PIK3C2G: variants seen among roughly 807,000 people sequenced by gnomAD.
The protein encoded by PIK3C2G is phosphatidylinositol 3-kinase C2 domain-containing subunit gamma.
PIK3C2G carries 168 observed loss-of-function variants against 181.1 expected under a neutral mutation model. The ratio of observed to expected loss-of-function variants is 0.93; its 90% CI spans 0.82 to 1.05. The LOEUF (loss-of-function observed/expected upper bound fraction) is 1.05. Among genes scored for constraint, PIK3C2G ranks in the 50% least tolerant of loss-of-function variants. PIK3C2G has a pLI of 0.00. For missense variants in PIK3C2G, 1,869 were observed against 1,732.8 expected (o/e 1.08, Z -1.40); for synonymous variants, 573 against 592.2 (o/e 0.97, Z 0.47).
At chr12:18,323,483 G>C (rs528431100) in intron 7 of PIK3C2G, among the ~76,000 whole-genome samples, 238 of 152,212 alleles carry the variant, frequency 1.6e-3, no homozygotes, top group Non-Finnish European at 3.1e-3. Context: ...CTTCCATTAT[G>C]TTCTGACCCT....
chr12:18,658,749 A>G, the PIK3C2G span, among the ~76,000 whole-genome samples: 1 of 152,142 alleles, frequency 6.6e-6, no homozygotes, highest in African/African-American at 2.4e-5. Flanking sequence ...GGTTTTACAT[A>G]TTCTATTTCA....
chr12:18,628,515 G>C (rs1433355254), intron 31 of PIK3C2G, among the ~76,000 whole-genome samples: 1 of 152,192 alleles, frequency 6.6e-6, no homozygotes, highest in Non-Finnish European at 1.5e-5. Flanking sequence ...AACAAAGGCA[G>C]AAGATTGGTA....
At chr12:18,350,507 C>T (rs1191390645) in intron 11 of PIK3C2G, among the ~76,000 whole-genome samples, 1 of 152,106 alleles carries the variant, frequency 6.6e-6, no homozygotes, top group African/African-American at 2.4e-5. Flanking sequence ...CTCATCAAGA[C>T]GATGCCCTTT....
intron 22 of PIK3C2G, among the ~76,000 whole-genome samples, chr12:18,501,050 G>A (rs960024398): frequency 1.3e-5 from 2 of 151,604 alleles, no homozygotes; most frequent in South Asian, 2.1e-4. Context: ...AAGAAACTCC[G>A]AACACATCCG....
At chr12:18,398,682 A>G (rs1315430241) in intron 15 of PIK3C2G, among the ~76,000 whole-genome samples, 31 of 152,154 alleles carry the variant, frequency 2.0e-4, no homozygotes. Flanking sequence ...CTAGTCCTAG[A>G]TTTAGATCTT....
chr12:18,329,363 A>ACACCTGTTT (rs1937671700), intron 8 of PIK3C2G, among the ~76,000 whole-genome samples: 1 of 151,946 alleles, frequency 6.6e-6, no homozygotes, highest in Non-Finnish European at 1.5e-5. Context: ...TTGGTATCAC[A>ACACCTGTTT]CACCTGTTTG....
chr12:18,294,455 AT>A (rs758549425), intron 5 of PIK3C2G, among the ~76,000 whole-genome samples: 6 of 151,604 alleles, frequency 4.0e-5, no homozygotes, highest in East Asian at 3.9e-4. Context: ...TTAAATACTG[AT>A]TTTTTTTTAA....
chr12:18,354,762 G>T (rs796806174), intron 11 of PIK3C2G, among the ~76,000 whole-genome samples: 1 of 152,214 alleles, frequency 6.6e-6, no homozygotes, highest in Admixed American at 6.5e-5. Flanking sequence ...GTATAAACTG[G>T]TGATGGTGGA....
Position 18,381,238 on chromosome 12 carries a change from C to T in PIK3C2G, c.1881-528C>T, listed in dbSNP as rs550086081. On this transcript the variant is annotated intron_variant, in intron 13 of 32. Transcript: ENST00000538779. ...ATCTTTCTATTTATGCATAAGGAAGCGTTTCCTCCGTGAAGCCCCACAACT... is the reference window on the plus strand; with the variant it reads ...ATCTTTCTATTTATGCATAAGGAAGTGTTTCCTCCGTGAAGCCCCACAACT... 2.2e-4 allele frequency among the ~76,000 whole-genome samples: 34 copies of T among 152,228 alleles called. No homozygotes were observed. The South Asian group carries it at 4.4e-3, about 19-fold the overall frequency.
chr12:18,359,370 G>C (rs1411024891), intron 11 of PIK3C2G, among the ~76,000 whole-genome samples: 1 of 152,168 alleles, frequency 6.6e-6, no homozygotes, highest in Non-Finnish European at 1.5e-5. Context: ...CTAGCCTGGA[G>C]GGTGTTTCCT....
rs1436446899 is a variant in PIK3C2G at position 18,294,030 on chromosome 12, A to G, written c.1034+15A>G. 8.1e-7 allele frequency: 1 copy of G among 1,232,746 alleles called. No individual in the cohort carries two copies. Among genetic ancestry groups the G allele is most frequent in the South Asian group, 1.3e-5 (1 of 79,688 alleles). 76.4% of individuals were successfully genotyped at this position (1,232,746 alleles called of 1,614,324 possible). ...TTTTTACAAAAGTAAGTATTTTATG[A>G]AATTTTGGTTGTATTATAATCTGTA... On this transcript the variant is annotated intron_variant, in intron 5 of 32. Transcript: ENST00000538779.
the PIK3C2G span, chr12:18,705,025 A>G: frequency 2.1e-6 from 2 of 974,218 alleles, no homozygotes; most frequent in Non-Finnish European, 1.6e-6. Flanking sequence ...TCCCTAGGCA[A>G]CATTGCAAAA....
At chr12:18,330,748 A>G (rs1200835668) in intron 8 of PIK3C2G, among the ~76,000 whole-genome samples, 1 of 152,272 alleles carries the variant, frequency 6.6e-6, no homozygotes, top group East Asian at 1.9e-4. Context: ...ACTAACTGCA[A>G]TTGTAATCAT....
At chr12:18,586,792 T>G (rs574315865) in intron 29 of PIK3C2G, among the ~76,000 whole-genome samples, 1 of 151,586 alleles carries the variant, frequency 6.6e-6, no homozygotes, top group Admixed American at 6.6e-5. Context: ...AAAATAACAT[T>G]GATTCAAAGA....
At chr12:18,490,534 C>T (rs377248181) in intron 19 of PIK3C2G, among the ~76,000 whole-genome samples, 2 of 152,126 alleles carry the variant, frequency 1.3e-5, no homozygotes, top group African/African-American at 4.8e-5. Flanking sequence ...GCACTGACGA[C>T]CCTTCTCAGC....
intron 18 of PIK3C2G, among the ~76,000 whole-genome samples, chr12:18,457,910 G>C (rs1426271521): frequency 6.6e-6 from 1 of 151,970 alleles, no homozygotes; most frequent in Non-Finnish European, 1.5e-5. Flanking sequence ...GTAAATAGGT[G>C]ACAATAGTTT....
chr12:18,333,363 G>A (rs533853848), intron 8 of PIK3C2G, among the ~76,000 whole-genome samples: 414 of 152,080 alleles, frequency 2.7e-3, no homozygotes, highest in Non-Finnish European at 4.8e-3. Flanking sequence ...AGGTATACAC[G>A]TGCCATGGTG....
chr12:18,377,677 T>C (rs1942548301), intron 13 of PIK3C2G, among the ~76,000 whole-genome samples: 1 of 152,214 alleles, frequency 6.6e-6, no homozygotes, highest in South Asian at 2.1e-4. Context: ...TGGTGTTCTT[T>C]CCATTATATG....
At chr12:18,679,082 C>T in the PIK3C2G span, among the ~76,000 whole-genome samples, 1 of 152,048 alleles carries the variant, frequency 6.6e-6, no homozygotes, top group Admixed American at 6.6e-5. Flanking sequence ...TGATGAATGG[C>T]ATTGAGCTTC....
Sources: gnomAD v4.1 joint callset for allele counts (sites outside exome capture counted in the v4.1 genomes callset) on GRCh38, gnomAD v4.1.1 for gene constraint, MANE v1.5 for transcripts, NCBI Gene and HGNC (gene_info 2026-07-23, HGNC 2026-07-21) for gene names.